Variants in GOLGA1 observed in about 807,000 individuals in gnomAD.
GOLGA1 encodes the protein golgin A1.
GOLGA1 carries 63 observed loss-of-function variants against 119.7 expected under a neutral mutation model. The ratio of observed to expected loss-of-function variants is 0.53; its 90% CI spans 0.43 to 0.65. The LOEUF (loss-of-function observed/expected upper bound fraction) is 0.65. Among genes scored for constraint, GOLGA1 ranks in the 30% least tolerant of loss-of-function variants. The pLI is 0.00. For missense variants in GOLGA1, 798 were observed against 912.8 expected (o/e 0.87, Z 1.62); for synonymous variants, 318 against 333.4 (o/e 0.95, Z 0.50).
rs1564318296 is a variant in GOLGA1, at chr9:124,881,924, C to T, written c.1996G>A (p.Val666Ile). The change falls in exon 21 of 23, where the codon GTC becomes ATC. Residue 666 changes from valine (V) to isoleucine (I), a missense_variant. Val to Ile is a conservative substitution (Grantham distance 29). Coordinates refer to ENST00000373555, the MANE Select transcript of GOLGA1 (RefSeq NM_002077.4). The surrounding 1 kb of genome is among the most constrained non-coding windows in gnomAD (Gnocchi z 4.9). ...KIRPDNELFEVREKPGPEMAN... is the reference protein window; with the variant it reads ...KIRPDNELFEIREKPGPEMAN... ...ATCTCAGGTCCAGGTTTCTCCCGGA[C>T]TTCGAAGAGCTCATTATCGGGTCTG... 9 of 1,611,566 alleles carry T rather than the reference C, an allele frequency of 5.6e-6. No homozygotes were observed. Among genetic ancestry groups the T allele is most frequent in the Non-Finnish European group, 6.8e-6 (8 of 1,178,934 alleles).
In GOLGA1 at chr9:124,881,926, T is replaced by G. The variant is rs1209954755; in HGVS notation, c.1994A>C (p.Glu665Ala). The change falls in exon 21 of 23, where the codon GAA becomes GCA. Residue 665 changes from glutamate to alanine, a missense_variant. By Grantham distance (107) the Glu-to-Ala change is moderately radical. Coordinates refer to ENST00000373555, the MANE Select transcript of GOLGA1 (RefSeq NM_002077.4). This position sits in a 1 kb window ranked among gnomAD's most constrained non-coding sequence, Gnocchi z 4.9. ...CTCAGGTCCAGGTTTCTCCCGGACT[T>G]CGAAGAGCTCATTATCGGGTCTGAT... is the stretch of plus-strand genomic sequence containing the variant. Reference protein sequence around the residue: ...LKIRPDNELFEVREKPGPEMA... With the variant: ...LKIRPDNELFAVREKPGPEMA... 6.2e-7 allele frequency: 1 copy of G among 1,611,634 alleles called. No individual in the cohort carries two copies. The highest frequency in any genetic ancestry group is 2.2e-5 in the East Asian group (1 of 44,834).
chr9:124,897,112 A>C (rs1830001373), intron 15 of GOLGA1, among the ~76,000 whole-genome samples: 1 of 152,158 alleles, frequency 6.6e-6, no homozygotes, highest in Admixed American at 6.5e-5. Context: ...TCTTCAGTCT[A>C]GAATATTTCT....
At chr9:124,935,303 C>G (rs1830842942) in intron 3 of GOLGA1, among the ~76,000 whole-genome samples, 2 of 152,010 alleles carry the variant, frequency 1.3e-5, no homozygotes, top group East Asian at 1.9e-4. Flanking sequence ...ATACACATAG[C>G]CTGAACATAA....
At chr9:124,944,445 G>A (rs961712334), upstream of GOLGA1, 6 of 142,798 alleles carry the variant, frequency 4.2e-5, no homozygotes, top group East Asian at 1.0e-3. Flanking sequence ...GATTACAGGC[G>A]CACACCACCA....
At chr9:124,920,516 T>C (rs968743581) in intron 10 of GOLGA1, among the ~76,000 whole-genome samples, 1 of 152,166 alleles carries the variant, frequency 6.6e-6, no homozygotes, top group African/African-American at 2.4e-5. Flanking sequence ...CAAATTGTAA[T>C]GACATCATTT....
At position 124,929,258 on chromosome 9, in the gene GOLGA1, T is replaced by C. The variant is rs770511231; in HGVS notation, c.259A>G (p.Ile87Val). Reference protein sequence around the residue: ...YAEQVRNLQKIKEKLEIALEK... With the variant: ...YAEQVRNLQKVKEKLEIALEK... ...AATGCAATTTCAAGCTTCTCTTTTA[T>C]CTTCTGCAAGTTTCGGACCTGTTCA... Residue 87 changes from isoleucine (I) to valine (V), a missense_variant, in exon 5 of 23, where the codon ATA becomes GTA. Coordinates refer to ENST00000373555, the MANE Select transcript of GOLGA1 (RefSeq NM_002077.4). The C allele has an allele frequency of 6.2e-7, 1 of 1,611,144 alleles. No homozygotes were observed. The highest frequency in any genetic ancestry group is 8.5e-7 in the Non-Finnish European group (1 of 1,177,336).
rs1431614250 is a variant in GOLGA1, at chr9:124,946,518, C to T, written c.-156+1400G>A. On this transcript the variant is annotated intron_variant, in intron 1 of 4. Transcript: ENST00000421514. The surrounding 1 kb of genome is among the most constrained non-coding windows in gnomAD (Gnocchi z 4.0). ...GTTATATTTTATCATGCAAAAATAA[C>T]CTCTACTTAATTTCTGCAGTGAATG... The T allele has an allele frequency of 6.6e-6, 1 of 152,150 alleles. No individual in the cohort carries two copies. Among genetic ancestry groups the T allele is most frequent in the African/African-American group, 2.4e-5 (1 of 41,432 alleles). The allele number at this position is 152,150 out of a possible 1,614,324, so 9.4% of individuals were successfully genotyped here. A position where few individuals can be genotyped will look rare whatever the true frequency, so the allele number is the denominator to read the frequency against.
chr9:124,920,025 T>C (rs922520433), intron 10 of GOLGA1, among the ~76,000 whole-genome samples: 5 of 152,084 alleles, frequency 3.3e-5, no homozygotes, highest in Non-Finnish European at 2.9e-5. Context: ...AGTGGCACAA[T>C]CTCAGCTCAC....
chr9:124,916,520 A>G (rs1318999134), intron 10 of GOLGA1, among the ~76,000 whole-genome samples: 1 of 152,166 alleles, frequency 6.6e-6, no homozygotes, highest in Non-Finnish European at 1.5e-5. Flanking sequence ...TAAATTAACA[A>G]AACTTAGGAA....
chr9:124,883,269 GTCTTTT>G (rs1829631759), intron 19 of GOLGA1, among the ~76,000 whole-genome samples: 1 of 148,532 alleles, frequency 6.7e-6, no homozygotes, highest in Admixed American at 6.8e-5. Flanking sequence ...ACTCATTTTT[GTCTTTT>G]TCTTCTTCTT....
intron 15 of GOLGA1, among the ~76,000 whole-genome samples, chr9:124,894,564 T>A (rs1010362248): frequency 6.6e-6 from 1 of 152,098 alleles, no homozygotes; most frequent in Non-Finnish European, 1.5e-5. Context: ...TGCTCCAATT[T>A]TCCAGACTTG....
At chr9:124,894,209 C>T (rs940139306) in intron 15 of GOLGA1, among the ~76,000 whole-genome samples, 25 of 152,168 alleles carry the variant, frequency 1.6e-4, no homozygotes, top group Admixed American at 4.6e-4. Flanking sequence ...ACCCTACCTG[C>T]GGCTCCTTTG....
intron 12 of GOLGA1, among the ~76,000 whole-genome samples, chr9:124,902,344 C>T (rs1432985615): frequency 6.6e-6 from 1 of 151,706 alleles, no homozygotes. Context: ...GATCTCCTGA[C>T]CTCATGATCC....
At chr9:124,889,719 G>C (rs1437606902) in intron 16 of GOLGA1, among the ~76,000 whole-genome samples, 183 bp from the exon 17 acceptor site, 2 of 152,096 alleles carry the variant, frequency 1.3e-5, no homozygotes, top group African/African-American at 2.4e-5. Flanking sequence ...TCCTTGGTAG[G>C]GGCCCTGCAC....
intron 19 of GOLGA1, 57 bp from the exon 20 acceptor site, chr9:124,882,626 G>GA: frequency 1.4e-6 from 2 of 1,412,764 alleles, no homozygotes; most frequent in Non-Finnish European, 1.0e-6. Flanking sequence ...TTCACCAAAG[G>GA]AAACAGACCC....
intron 12 of GOLGA1, among the ~76,000 whole-genome samples, chr9:124,903,651 C>CAAAAAAAA (rs11435294): frequency 2.4e-3 from 221 of 91,120 alleles, no homozygotes; most frequent in Non-Finnish European, 3.1e-3. Context: ...AGAAAAAGAC[C>CAAAAAAAA]AAAAAAAAAA....
At chr9:124,923,254 C>CAA (rs758774407) in intron 7 of GOLGA1, 31 bp from the exon 8 acceptor site, 2 of 1,534,808 alleles carry the variant, frequency 1.3e-6, no homozygotes, top group African/African-American at 2.8e-5. Context: ...TCAACTCAGG[C>CAA]AACGAAAGCA....
intron 7 of GOLGA1, among the ~76,000 whole-genome samples, chr9:124,925,442 C>T (rs2131503662): frequency 6.6e-6 from 1 of 151,216 alleles, no homozygotes; most frequent in African/African-American, 2.4e-5. Flanking sequence ...TGTTGCCAGG[C>T]ACAGTGGCTC....
At chr9:124,932,253 A>C (rs1010177321) in intron 3 of GOLGA1, among the ~76,000 whole-genome samples, 1 of 152,236 alleles carries the variant, frequency 6.6e-6, no homozygotes, top group Admixed American at 6.5e-5. Flanking sequence ...TATGATTATC[A>C]TTCCTAACAA....
Sources: allele counts gnomAD v4.1 joint callset (sites outside exome capture counted in the v4.1 genomes callset), GRCh38; gene constraint gnomAD v4.1.1; non-coding constraint Gnocchi (gnomAD v3.1); transcripts MANE v1.5; gene names NCBI Gene and HGNC (gene_info 2026-07-23, HGNC 2026-07-21).